PBX1: variants seen among roughly 807,000 people sequenced by gnomAD.
PBX1 encodes the protein pre-B-cell leukemia transcription factor 1.
Under a neutral mutation model 53.4 loss-of-function variants are expected in PBX1, and 6 were observed. That is an observed-to-expected ratio of 0.11 (90% CI 0.06 to 0.22). PBX1 has a LOEUF of 0.22. Ranked by LOEUF, PBX1 falls within the 10% of genes least tolerant of loss-of-function variation. PBX1 has a pLI of 1.00. For synonymous variants in PBX1, 204 were observed against 212.3 expected (o/e 0.96, Z 0.34); for missense variants, 251 against 551.4 (o/e 0.46, Z 5.46).
chr1:164,644,562 T>G (rs975755802), intron 2 of PBX1, among the ~76,000 whole-genome samples: 1 of 150,366 alleles, frequency 6.7e-6, no homozygotes, highest in African/African-American at 2.4e-5. Flanking sequence ...TTATCAGCTT[T>G]TGTTTTTTTT....
chr1:164,714,366 T>G (rs761428610), intron 2 of PBX1, among the ~76,000 whole-genome samples: 1 of 152,194 alleles, frequency 6.6e-6, no homozygotes, highest in African/African-American at 2.4e-5. Flanking sequence ...ACATCACACA[T>G]AGGTGAGTTA....
chr1:164,657,983 G>T (rs532978044), intron 2 of PBX1, among the ~76,000 whole-genome samples: 5 of 152,224 alleles, frequency 3.3e-5, no homozygotes, highest in African/African-American at 1.2e-4. Context: ...CAGCTTCATT[G>T]TTATGCCTGT....
chr1:164,610,685 G>C (rs950094385), intron 2 of PBX1, among the ~76,000 whole-genome samples: 5 of 152,216 alleles, frequency 3.3e-5, no homozygotes, highest in African/African-American at 1.2e-4. Context: ...CCTTAGGCCT[G>C]TTGTCCTAAA....
intron 1 of PBX1, chr1:164,560,563 C>T (rs945009453): frequency 2.8e-5 from 5 of 181,630 alleles, no homozygotes; most frequent in African/African-American, 9.4e-5. Context: ...CCCCCCCTAC[C>T]CAAAATACAA....
Position 164,850,915 on chromosome 1 carries a change from C to G in PBX1, c.*4239C>G. On this transcript the variant is annotated 3_prime_UTR_variant, in exon 9 of 9. Coordinates refer to ENST00000420696, the MANE Select transcript of PBX1 (RefSeq NM_002585.4). ...TTAATAACTACATTCCATGAGGCCTCTTCCAACCAAAGAGGCCTTTTCTTC... is the reference window on the plus strand; with the variant it reads ...TTAATAACTACATTCCATGAGGCCTGTTCCAACCAAAGAGGCCTTTTCTTC... The G allele has an allele frequency of 4.7e-6, 1 of 213,816 alleles. No homozygotes were observed. Among genetic ancestry groups the G allele is most frequent in the South Asian group, 1.9e-4 (1 of 5,352 alleles). 13.2% of individuals were successfully genotyped at this position (213,816 alleles called of 1,614,324 possible). A position where few individuals can be genotyped will look rare whatever the true frequency, so the allele number is the denominator to read the frequency against.
intron 2 of PBX1, among the ~76,000 whole-genome samples, chr1:164,698,837 C>A (rs1662939207): frequency 6.6e-6 from 1 of 152,190 alleles, no homozygotes; most frequent in Admixed American, 6.5e-5. Flanking sequence ...CTCAGGTAAT[C>A]CTCACAACCA....
At chr1:164,669,805 C>A (rs1243890677) in intron 2 of PBX1, among the ~76,000 whole-genome samples, 1 of 152,222 alleles carries the variant, frequency 6.6e-6, no homozygotes, top group African/African-American at 2.4e-5. Flanking sequence ...CACAGACCGT[C>A]ATGAAGTGTC....
At chr1:164,578,221 G>T (rs995064074) in intron 2 of PBX1, among the ~76,000 whole-genome samples, 7 of 152,124 alleles carry the variant, frequency 4.6e-5, no homozygotes, top group African/African-American at 1.7e-4. Flanking sequence ...GTCACCTCCT[G>T]CATGTTGCCC....
intron 2 of PBX1, among the ~76,000 whole-genome samples, chr1:164,862,257 G>T (rs1672118201): frequency 1.3e-5 from 2 of 152,244 alleles, no homozygotes; most frequent in East Asian, 1.9e-4. Flanking sequence ...TTGCACACAC[G>T]ATTTCTCCTG....
Position 164,849,083 on chromosome 1 carries a change from C to A in PBX1, c.*2407C>A. On this transcript the variant is annotated 3_prime_UTR_variant, in exon 9 of 9. Transcript: ENST00000420696. ...TAGTGGCAGGAATATAATGAAACTA[C>A]CCACGCAAGAACATGGTTGAATCAC... The A allele has an allele frequency of 7.6e-7, 1 of 1,313,358 alleles. No individual in the cohort carries two copies. The highest frequency in any genetic ancestry group is 3.0e-5 in the East Asian group (1 of 33,556). The allele number at this position is 1,313,358 out of a possible 1,614,324, so 81.4% of individuals were successfully genotyped here. A position where few individuals can be genotyped will look rare whatever the true frequency, so the allele number is the denominator to read the frequency against.
chr1:164,581,890 C>CT, intron 2 of PBX1, among the ~76,000 whole-genome samples: 1 of 152,088 alleles, frequency 6.6e-6, no homozygotes, highest in East Asian at 1.9e-4. Flanking sequence ...TGTTACTTTC[C>CT]TTATGGCTGT....
At chr1:164,834,556 G>T (rs535202584) in intron 8 of PBX1, among the ~76,000 whole-genome samples, 1 of 152,078 alleles carries the variant, frequency 6.6e-6, no homozygotes, top group South Asian at 2.1e-4. Context: ...TGTTGGACAG[G>T]CTGGTCTCAA....
intron 2 of PBX1, among the ~76,000 whole-genome samples, chr1:164,564,219 AC>A (rs748077186): frequency 5.9e-5 from 9 of 152,168 alleles, no homozygotes; most frequent in Non-Finnish European, 1.0e-4. Context: ...GCTCTGACTT[AC>A]CCGCTCGCTT....
At chr1:164,575,921 C>T (rs565422886) in intron 2 of PBX1, among the ~76,000 whole-genome samples, 1 of 151,968 alleles carries the variant, frequency 6.6e-6, no homozygotes, top group East Asian at 1.9e-4. Flanking sequence ...TATAAAGGCC[C>T]AAGAAGTAAC....
At chr1:164,832,443 A>G (rs1258363361) in intron 8 of PBX1, among the ~76,000 whole-genome samples, 1 of 152,220 alleles carries the variant, frequency 6.6e-6, no homozygotes, top group Non-Finnish European at 1.5e-5. Context: ...ACCTGCCTAG[A>G]TAGTGACCCA....
intron 2 of PBX1, among the ~76,000 whole-genome samples, chr1:164,724,814 C>T (rs1664611612): frequency 6.7e-6 from 1 of 149,990 alleles, no homozygotes; most frequent in Non-Finnish European, 1.5e-5. Context: ...TTCTTGTATT[C>T]CTCTTTCAGG....
chr1:164,879,442 C>A (rs111429698), intron 2 of PBX1, among the ~76,000 whole-genome samples: 1 of 152,062 alleles, frequency 6.6e-6, no homozygotes, highest in Non-Finnish European at 1.5e-5. Context: ...TGTGAGCAAC[C>A]GCTAAAACAG....
At chr1:164,772,180 G>T (rs1402664885) in intron 2 of PBX1, among the ~76,000 whole-genome samples, 1 of 152,204 alleles carries the variant, frequency 6.6e-6, no homozygotes, top group African/African-American at 2.4e-5. Flanking sequence ...TTGTAATTAT[G>T]AAATACTTTC....
Position 164,848,024 on chromosome 1 carries a change from A to ATAGGTGTTATACCACAC in PBX1, c.*1348_*1349insTAGGTGTTATACCACAC, listed in dbSNP as rs1671655342. 1 of 1,050,204 alleles carries ATAGGTGTTATACCACAC rather than the reference A, an allele frequency of 9.5e-7. No homozygotes were observed. Among genetic ancestry groups the ATAGGTGTTATACCACAC allele is most frequent in the Admixed American group, 5.5e-5 (1 of 18,164 alleles). The allele number at this position is 1,050,204 out of a possible 1,614,324, so 65.1% of individuals were successfully genotyped here. On this transcript the variant is annotated 3_prime_UTR_variant, in exon 9 of 9. Coordinates refer to ENST00000420696, the MANE Select transcript of PBX1 (RefSeq NM_002585.4). ...TTAATTTTCCAAAATGTTATACCAC[A>ATAGGTGTTATACCACAC]CTATGTTCTTGGTCCTGACCTATTG... is the stretch of plus-strand genomic sequence containing the variant.
Sources: gnomAD v4.1 joint callset for allele counts (sites outside exome capture counted in the v4.1 genomes callset) on GRCh38, gnomAD v4.1.1 for gene constraint, MANE v1.5 for transcripts, NCBI Gene and HGNC (gene_info 2026-07-23, HGNC 2026-07-21) for gene names.